Variants in UBE2J2 observed in about 807,000 individuals in gnomAD.
UBE2J2 encodes the protein ubiquitin conjugating enzyme E2 J2.
UBE2J2 carries 5 observed loss-of-function variants against 28.6 expected under a neutral mutation model. The ratio of observed to expected loss-of-function variants is 0.17; its 90% CI spans 0.09 to 0.37. The LOEUF is 0.37. Ranked by LOEUF, UBE2J2 falls within the 10% of genes least tolerant of loss-of-function variation. The probability of loss-of-function intolerance (pLI) is 1.00; values close to 1 mark genes in which losing one functional copy is unlikely to be tolerated. For synonymous variants in UBE2J2, 138 were observed against 139.7 expected (o/e 0.99, Z 0.09); for missense variants, 226 against 338.9 (o/e 0.67, Z 2.62).
intron 3 of UBE2J2, 88 bp from the exon 4 acceptor site, chr1:1,257,398 C>CCG: frequency 8.8e-6 from 5 of 566,616 alleles, no homozygotes; most frequent in Non-Finnish European, 1.4e-5. Flanking sequence ...ACGCCACCCC[C>CCG]CCCCCCCCCC....
chr1:1,259,091 C>CGTGTGTGCAT (rs113322402), intron 3 of UBE2J2, among the ~76,000 whole-genome samples: 1 of 131,324 alleles, frequency 7.6e-6, no homozygotes, highest in Non-Finnish European at 1.6e-5. Flanking sequence ...TCAGGACGCA[C>CGTGTGTGCAT]GTGTGTGCAT....
chr1:1,267,251 A>C (rs1639922766), intron 2 of UBE2J2, among the ~76,000 whole-genome samples: 1 of 152,164 alleles, frequency 6.6e-6, no homozygotes, highest in Non-Finnish European at 1.5e-5. Context: ...TCGACAGAGC[A>C]GTATGCACTC....
Position 1,266,371 on chromosome 1 carries a change from C to T in UBE2J2, c.131+1491G>A, listed in dbSNP as rs1639862971. 1.8e-5 allele frequency: 5 copies of T among 276,274 alleles called. No homozygotes were observed. The South Asian group carries it at 2.0e-4, about 11-fold the overall frequency. The allele number at this position is 276,274 out of a possible 1,614,324, so 17.1% of individuals were successfully genotyped here. A position where few individuals can be genotyped will look rare whatever the true frequency, so the allele number is the denominator to read the frequency against. On this transcript the variant is annotated intron_variant, in intron 2 of 6. Transcript: ENST00000349431. ...CTTTGGGAGGCTGAGGCAGGCAGAT[C>T]ACCTGAGATAAGGAGTTCGAGACCA...
intron 6 of UBE2J2, 50 bp downstream of exon 6, chr1:1,255,993 ACT>A (rs1639152729): frequency 7.9e-7 from 1 of 1,272,220 alleles, no homozygotes; most frequent in South Asian, 1.2e-5. Context: ...AAGAGGTGAA[ACT>A]CAAGTGTTTT....
At chr1:1,266,322 T>C in intron 2 of UBE2J2, 2 of 519,808 alleles carry the variant, frequency 3.8e-6, no homozygotes, top group South Asian at 2.6e-5. Flanking sequence ...CCAGGCATGG[T>C]GGCTCAAGCC....
intron 3 of UBE2J2, 35 bp downstream of exon 3, chr1:1,263,311 G>C (rs566810380): frequency 6.3e-7 from 1 of 1,598,028 alleles, no homozygotes; most frequent in South Asian, 1.1e-5. Context: ...TATAAAAACC[G>C]CCTGGTGTTC....
At chr1:1,262,213 C>A in intron 3 of UBE2J2, 1 of 416,846 alleles carries the variant, frequency 2.4e-6, no homozygotes, top group Non-Finnish European at 4.8e-6. Flanking sequence ...CACACACACG[C>A]ATCGTAACAA....
intron 3 of UBE2J2, among the ~76,000 whole-genome samples, chr1:1,261,651 G>GTT (rs59207041): frequency 2.5e-4 from 34 of 138,096 alleles, no homozygotes; most frequent in African/African-American, 3.7e-4. Flanking sequence ...ACCCATTTTG[G>GTT]TTTTTTTTTT....
rs192541477 is a variant in UBE2J2 at position 1,267,109 on chromosome 1, G to A, written c.131+753C>T. On this transcript the variant is annotated intron_variant, in intron 2 of 6. Transcript: ENST00000349431. ...TCACCATGTTGACCAGGCTGGTCTCGAACTCCTGACCTCAGGTGATCCGCC... is the reference window on the plus strand; with the variant it reads ...TCACCATGTTGACCAGGCTGGTCTCAAACTCCTGACCTCAGGTGATCCGCC... 3.4e-3 allele frequency among the ~76,000 whole-genome samples: 512 copies of A among 152,024 alleles called. 1 individual carries two copies. The highest frequency in any genetic ancestry group is 0.012 in the African/African-American group (484 of 41,466).
At chr1:1,269,215 C>A (rs1418603875) in intron 1 of UBE2J2, among the ~76,000 whole-genome samples, 1 of 148,024 alleles carries the variant, frequency 6.8e-6, no homozygotes, top group Non-Finnish European at 1.5e-5. Context: ...GACCCCAAGG[C>A]CCCTCAGCCA....
At chr1:1,256,724 AC>A (rs1177642814) in intron 5 of UBE2J2, among the ~76,000 whole-genome samples, 1 of 151,688 alleles carries the variant, frequency 6.6e-6, no homozygotes, top group Non-Finnish European at 1.5e-5. Flanking sequence ...TACTAAAAAT[AC>A]AAAAAAAAAA....
chr1:1,271,583 C>G (rs1260499725), intron 1 of UBE2J2: 1 of 152,126 alleles, frequency 6.6e-6, no homozygotes, highest in Non-Finnish European at 1.5e-5. Context: ...CTGAGCTTCA[C>G]ACAGAACAGC....
chr1:1,271,974 CAAAAAAAAAAAAAAA>C lies in UBE2J2; in HGVS notation c.-1+1677_-1+1691del, dbSNP rs60924258. 2.2e-4 allele frequency among the ~76,000 whole-genome samples: 6 copies of C among 27,618 alleles called. No homozygotes were observed. In the East Asian group the frequency reaches 5.9e-3, roughly 27 times the overall value. 18.1% of individuals were successfully genotyped at this position (27,618 alleles called of 152,430 possible). On this transcript the variant is annotated intron_variant, in intron 1 of 6. Transcript: ENST00000349431. The stretch of plus-strand genomic sequence containing the variant: ...GGGCAACAAGAGCGAAACTCCGTCT[CAAAAAAAAAAAAAAA>C]AAAAAAAAAAAAAAATTAGCCGGGT...
intron 3 of UBE2J2, among the ~76,000 whole-genome samples, chr1:1,261,262 G>A (rs1302160915): frequency 2.0e-5 from 3 of 152,232 alleles, no homozygotes; most frequent in African/African-American, 7.2e-5. Flanking sequence ...GCCATAGAGG[G>A]AAATGGGAGG....
At chr1:1,271,630 C>T (rs1640147823) in intron 1 of UBE2J2, 1 of 152,070 alleles carries the variant, frequency 6.6e-6, no homozygotes, top group African/African-American at 2.4e-5. Flanking sequence ...GGGCTATTTC[C>T]CCCAATTCTT....
intron 1 of UBE2J2, among the ~76,000 whole-genome samples, chr1:1,269,380 G>C (rs1283061118): frequency 6.6e-6 from 1 of 151,994 alleles, no homozygotes; most frequent in Non-Finnish European, 1.5e-5. Context: ...AGGCCCCTCA[G>C]CCACACCTGA....
intron 6 of UBE2J2, 140 bp from the exon 7 acceptor site, chr1:1,255,627 T>A: frequency 1.9e-6 from 2 of 1,079,162 alleles, no homozygotes; most frequent in Non-Finnish European, 2.6e-6. Context: ...ATCTCACAGG[T>A]GAGGGCCCGA....
intron 2 of UBE2J2, chr1:1,263,605 ATACTT>A (rs998401880): frequency 8.1e-6 from 4 of 493,570 alleles, no homozygotes; most frequent in South Asian, 5.3e-5. Flanking sequence ...CTTAGAGACT[ATACTT>A]TATAAGTTTA....
At chr1:1,272,253 C>G (rs201055408) in intron 1 of UBE2J2, among the ~76,000 whole-genome samples, 1 of 152,250 alleles carries the variant, frequency 6.6e-6, no homozygotes, top group East Asian at 1.9e-4. Flanking sequence ...GGACACCAAG[C>G]ATATCATCCT....
Sources: gnomAD v4.1 joint callset for allele counts (sites outside exome capture counted in the v4.1 genomes callset) on GRCh38, gnomAD v4.1.1 for gene constraint, MANE v1.5 for transcripts, NCBI Gene and HGNC (gene_info 2026-07-23, HGNC 2026-07-21) for gene names.